The following KCNC2 variants were observed in gnomAD, a reference collection of about 807,000 sequenced individuals.
KCNC2 encodes the protein potassium voltage-gated channel subfamily C member 2.
Under a neutral mutation model 44.5 loss-of-function variants are expected in KCNC2, and 21 were observed. The observed-to-expected ratio is 0.47, with a 90% CI of 0.33 to 0.68. The LOEUF (loss-of-function observed/expected upper bound fraction) is 0.68. KCNC2 is among the 30% of genes least tolerant of loss of function. The pLI is 0.01. For synonymous variants in KCNC2, 391 were observed against 339.1 expected (o/e 1.15, Z -1.68); for missense variants, 589 against 826.2 (o/e 0.71, Z 3.52).
intron 2 of KCNC2, among the ~76,000 whole-genome samples, chr12:75,156,784 T>C (rs1447743225): frequency 1.3e-5 from 2 of 151,910 alleles, no homozygotes; most frequent in Admixed American, 6.6e-5. Context: ...ATTTCTATAA[T>C]ATGTTTTGGG....
intron 3 of KCNC2, among the ~76,000 whole-genome samples, chr12:75,049,571 T>C (rs927664402): frequency 1.3e-5 from 2 of 152,034 alleles, no homozygotes; most frequent in African/African-American, 2.4e-5. Context: ...TCTATAGCAA[T>C]GGGGAGGAGC....
intron 2 of KCNC2, among the ~76,000 whole-genome samples, chr12:75,076,096 G>A (rs1332200355): frequency 7.0e-6 from 1 of 143,084 alleles, no homozygotes; most frequent in Admixed American, 7.1e-5. Flanking sequence ...CAAACAAACC[G>A]AAAAGAATAC....
chr12:75,138,249 C>T (rs534182108), intron 2 of KCNC2, among the ~76,000 whole-genome samples: 1 of 152,300 alleles, frequency 6.6e-6, no homozygotes, highest in African/African-American at 2.4e-5. Context: ...GAACCATTTG[C>T]TCATCTTGTA....
At chr12:75,057,742 T>C (rs565219953) in intron 2 of KCNC2, among the ~76,000 whole-genome samples, 1 of 152,094 alleles carries the variant, frequency 6.6e-6, no homozygotes, top group East Asian at 1.9e-4. Flanking sequence ...ATGTATATAT[T>C]ATAAAGATTG....
At chr12:75,091,525 T>C (rs1885472665) in intron 2 of KCNC2, among the ~76,000 whole-genome samples, 1 of 151,738 alleles carries the variant, frequency 6.6e-6, no homozygotes, top group Non-Finnish European at 1.5e-5. Flanking sequence ...CTGGGGAGCT[T>C]GGAAAAAACA....
chr12:75,059,765 T>C (rs1882121828), intron 2 of KCNC2, among the ~76,000 whole-genome samples: 1 of 152,142 alleles, frequency 6.6e-6, no homozygotes, highest in African/African-American at 2.4e-5. Context: ...AATATGACTA[T>C]GCATTTACTA....
chr12:75,073,542 C>G (rs1223268357), intron 2 of KCNC2, among the ~76,000 whole-genome samples: 2 of 152,204 alleles, frequency 1.3e-5, no homozygotes, highest in Non-Finnish European at 2.9e-5. Context: ...TACTAGAAGA[C>G]AGTATTTTGG....
intron 2 of KCNC2, among the ~76,000 whole-genome samples, chr12:75,060,424 A>G (rs1020167130): frequency 6.6e-6 from 1 of 151,932 alleles, no homozygotes; most frequent in Non-Finnish European, 1.5e-5. Flanking sequence ...AAATACTTTA[A>G]TGGCTCCCAA....
At chr12:75,137,101 T>C (rs934837863) in intron 2 of KCNC2, among the ~76,000 whole-genome samples, 6 of 152,168 alleles carry the variant, frequency 3.9e-5, no homozygotes, top group Non-Finnish European at 7.4e-5. Flanking sequence ...TCTTGCAAAA[T>C]CTAACAGACA....
At chr12:75,135,157 T>C (rs1319995069) in intron 2 of KCNC2, among the ~76,000 whole-genome samples, 1 of 151,858 alleles carries the variant, frequency 6.6e-6, no homozygotes, top group East Asian at 1.9e-4. Flanking sequence ...TATCCACAGT[T>C]ACATAGCAAA....
At chr12:75,161,380 C>T (rs940202176) in intron 2 of KCNC2, among the ~76,000 whole-genome samples, 4 of 151,714 alleles carry the variant, frequency 2.6e-5, no homozygotes, top group Admixed American at 1.3e-4. Context: ...TTTCAAGTTG[C>T]AGTCCAAAAG....
In KCNC2 at chr12:75,040,802, G is replaced by A; in HGVS notation, c.*2303C>T. The A allele has an allele frequency of 3.1e-6, 1 of 324,360 alleles. No individual in the cohort carries two copies. The allele number at this position is 324,360 out of a possible 1,614,324, so 20.1% of individuals were successfully genotyped here. On this transcript the variant is annotated 3_prime_UTR_variant, in exon 5 of 5. Coordinates refer to ENST00000549446, the MANE Select transcript of KCNC2 (RefSeq NM_139137.4). Reference sequence around the variant, plus strand: ...TACTACATCAGTATCACTGCCTTAAGTAATTCACAGCACAACCTAATGTGG... The same window carrying A: ...TACTACATCAGTATCACTGCCTTAAATAATTCACAGCACAACCTAATGTGG...
intron 2 of KCNC2, among the ~76,000 whole-genome samples, chr12:75,142,947 G>A (rs537896047): frequency 1.3e-5 from 2 of 152,038 alleles, no homozygotes; most frequent in South Asian, 2.1e-4. Context: ...TTATTCCCTC[G>A]CACTCCTTTT....
At chr12:75,141,515 T>C (rs1889650728) in intron 2 of KCNC2, among the ~76,000 whole-genome samples, 2 of 152,214 alleles carry the variant, frequency 1.3e-5, no homozygotes, top group Non-Finnish European at 2.9e-5. Flanking sequence ...TTCTGACTAA[T>C]ATGTAGCTCT....
At chr12:75,097,311 A>G (rs759260927) in intron 2 of KCNC2, among the ~76,000 whole-genome samples, 4 of 152,134 alleles carry the variant, frequency 2.6e-5, no homozygotes, top group Non-Finnish European at 4.4e-5. Flanking sequence ...ATTCTGTATG[A>G]TTCTGTAATT....
intron 2 of KCNC2, among the ~76,000 whole-genome samples, chr12:75,203,851 A>T (rs573967280): frequency 2.7e-4 from 41 of 152,024 alleles, no homozygotes; most frequent in Non-Finnish European, 4.9e-4. Flanking sequence ...TTTTGTCCTT[A>T]TGTGATTTTT....
At chr12:75,121,835 C>G (rs947837289) in intron 2 of KCNC2, among the ~76,000 whole-genome samples, 1 of 152,130 alleles carries the variant, frequency 6.6e-6, no homozygotes, top group African/African-American at 2.4e-5. Flanking sequence ...TGATCCTTGA[C>G]CACCTCTACT....
Position 75,051,436 on chromosome 12 carries a change from T to A in KCNC2, c.688-119A>T, listed in dbSNP as rs1030714798. 20 of 626,316 alleles carry A rather than the reference T, an allele frequency of 3.2e-5. No homozygotes were observed. In the Middle Eastern group the frequency reaches 4.6e-3, roughly 143 times the overall value. The allele number at this position is 626,316 out of a possible 1,614,324, so 38.8% of individuals were successfully genotyped here. On this transcript the variant is annotated intron_variant, in intron 2 of 4. Coordinates refer to ENST00000549446, the MANE Select transcript of KCNC2 (RefSeq NM_139137.4). ...AAGAATAACAGCATATTTAGAGGTT[T>A]CACTTGGATATGACCTAAGGAAAAG...
chr12:75,196,676 C>A (rs552062983), intron 2 of KCNC2, among the ~76,000 whole-genome samples: 1 of 152,158 alleles, frequency 6.6e-6, no homozygotes, highest in South Asian at 2.1e-4. Context: ...AGTCAGAATT[C>A]ATATTTAGCG....
Sources: allele counts gnomAD v4.1 joint callset (sites outside exome capture counted in the v4.1 genomes callset), GRCh38; gene constraint gnomAD v4.1.1; transcripts MANE v1.5; gene names NCBI Gene and HGNC (gene_info 2026-07-23, HGNC 2026-07-21).